Variants in PARD3B observed in about 807,000 individuals in gnomAD.
PARD3B encodes the protein par-3 family cell polarity regulator beta.
In PARD3B, 103 loss-of-function variants were observed where a neutral mutation model predicts 130.2. The ratio of observed to expected loss-of-function variants is 0.79; its 90% CI spans 0.67 to 0.93. The LOEUF (loss-of-function observed/expected upper bound fraction) is 0.93, where lower values mean the gene tolerates loss of function less well. PARD3B is among the 40% of genes least tolerant of loss of function. The pLI, the probability that PARD3B is intolerant of heterozygous loss-of-function variation, is 0.00. For missense variants in PARD3B, 1,609 were observed against 1,499.2 expected (o/e 1.07, Z -1.21); for synonymous variants, 583 against 553.2 (o/e 1.05, Z -0.76).
chr2:205,436,399 G>A (rs1169018428), intron 19 of PARD3B, among the ~76,000 whole-genome samples: 1 of 152,094 alleles, frequency 6.6e-6, no homozygotes, highest in East Asian at 1.9e-4. Flanking sequence ...TCAAATGTTT[G>A]AGAGTGTTTT....
intron 3 of PARD3B, among the ~76,000 whole-genome samples, chr2:205,009,064 A>C (rs1305461181): frequency 6.6e-6 from 1 of 152,242 alleles, no homozygotes; most frequent in African/African-American, 2.4e-5. Flanking sequence ...ATATTTGCTA[A>C]ATGTATTTAT....
intron 21 of PARD3B, among the ~76,000 whole-genome samples, chr2:205,538,854 A>C (rs187859715): frequency 1.6e-3 from 249 of 152,336 alleles, no homozygotes; most frequent in African/African-American, 5.9e-3. Context: ...GTAAGAATGA[A>C]TATTTACTGA....
At chr2:205,426,333 G>A (rs2047145920) in intron 19 of PARD3B, among the ~76,000 whole-genome samples, 1 of 152,122 alleles carries the variant, frequency 6.6e-6, no homozygotes, top group Non-Finnish European at 1.5e-5. Context: ...CTTTAAAACT[G>A]CATTGATAGG....
rs2106003022 is a variant in PARD3B at position 205,398,526 on chromosome 2, A to G, written c.2631-2487A>G. ...AGACTAGACTGGCTACAACCAAAAA[A>G]CTACAGTAGGAGTAGAGAGAGATGG... is the stretch of plus-strand genomic sequence containing the variant. On this transcript the variant is annotated intron_variant, in intron 18 of 22. Transcript: ENST00000406610. 3.3e-5 allele frequency among the ~76,000 whole-genome samples: 5 copies of G among 152,310 alleles called. No homozygotes were observed. The South Asian group carries it at 1.0e-3, about 32-fold the overall frequency.
At chr2:205,114,816 A>G (rs959886766) in intron 6 of PARD3B, among the ~76,000 whole-genome samples, 15 of 151,996 alleles carry the variant, frequency 9.9e-5, no homozygotes, top group African/African-American at 3.1e-4. Context: ...TGTTCCCCAA[A>G]AGAAATGAAC....
intron 2 of PARD3B, among the ~76,000 whole-genome samples, chr2:204,787,320 T>C (rs538244412): frequency 6.6e-6 from 1 of 152,260 alleles, no homozygotes; most frequent in Non-Finnish European, 1.5e-5. Context: ...TCAACTTCTG[T>C]CAGCCTTTTG....
intron 2 of PARD3B, among the ~76,000 whole-genome samples, chr2:204,747,358 G>A (rs965031456): frequency 2.0e-5 from 3 of 152,048 alleles, no homozygotes; most frequent in Non-Finnish European, 2.9e-5. Flanking sequence ...AAAATACCTA[G>A]GAATCCAACT....
At chr2:205,056,550 A>C (rs1699645239) in intron 4 of PARD3B, among the ~76,000 whole-genome samples, 1 of 151,918 alleles carries the variant, frequency 6.6e-6, no homozygotes, top group South Asian at 2.1e-4. Context: ...GGTGTGAAGC[A>C]CTGGAGAATC....
chr2:205,217,138 C>T (rs1335565460), intron 15 of PARD3B, among the ~76,000 whole-genome samples: 1 of 152,090 alleles, frequency 6.6e-6, no homozygotes, highest in Non-Finnish European at 1.5e-5. Flanking sequence ...ATTCATTGGC[C>T]AGGACTATCA....
chr2:205,205,600 A>C (rs960053289), intron 15 of PARD3B, among the ~76,000 whole-genome samples: 2 of 152,112 alleles, frequency 1.3e-5, no homozygotes, highest in Non-Finnish European at 2.9e-5. Context: ...AATCGTTTTT[A>C]TTATTTTGAG....
At chr2:205,236,392 A>T (rs1170465151) in intron 15 of PARD3B, among the ~76,000 whole-genome samples, 2 of 143,786 alleles carry the variant, frequency 1.4e-5, no homozygotes, top group Non-Finnish European at 3.0e-5. Flanking sequence ...TTAGAAAAAA[A>T]AATTTAGATT....
intron 21 of PARD3B, among the ~76,000 whole-genome samples, chr2:205,541,090 C>G (rs2052105335): frequency 7.8e-6 from 1 of 128,476 alleles, no homozygotes; most frequent in African/African-American, 2.5e-5. Flanking sequence ...AGAGCAAAGT[C>G]TGTGTTACCC....
At chr2:204,550,733 C>G (rs1033790482) in intron 1 of PARD3B, among the ~76,000 whole-genome samples, 2 of 152,172 alleles carry the variant, frequency 1.3e-5, no homozygotes, top group Non-Finnish European at 2.9e-5. Flanking sequence ...CTTCCCAGAA[C>G]TGGGAGTAGT....
chr2:205,521,552 A>AT (rs201154538), intron 21 of PARD3B, among the ~76,000 whole-genome samples: 3 of 113,164 alleles, frequency 2.7e-5, no homozygotes, highest in East Asian at 3.1e-4. Flanking sequence ...TGATTATATG[A>AT]TTTTTTTTCT....
At chr2:205,150,756 A>G (rs1210337555) in intron 10 of PARD3B, among the ~76,000 whole-genome samples, 5 of 152,160 alleles carry the variant, frequency 3.3e-5, no homozygotes, top group Non-Finnish European at 7.3e-5. Flanking sequence ...CATGGAATGG[A>G]CAAAAGTTGA....
intron 16 of PARD3B, among the ~76,000 whole-genome samples, chr2:205,266,030 A>C (rs2040489995): frequency 6.6e-6 from 1 of 152,144 alleles, no homozygotes; most frequent in Non-Finnish European, 1.5e-5. Flanking sequence ...AATGTTTCTT[A>C]CGCTAAGATT....
intron 10 of PARD3B, among the ~76,000 whole-genome samples, chr2:205,150,419 A>C (rs2033677758): frequency 2.0e-5 from 3 of 151,980 alleles, no homozygotes; most frequent in Non-Finnish European, 4.4e-5. Context: ...TTTGCTACAA[A>C]ATGCTGTCTG....
intron 3 of PARD3B, among the ~76,000 whole-genome samples, chr2:205,019,520 C>A (rs1477772325): frequency 1.3e-5 from 2 of 152,090 alleles, no homozygotes; most frequent in African/African-American, 4.8e-5. Context: ...ATGGCTGGGG[C>A]CACATGATAC....
chr2:205,412,654 C>A (rs1018681091), intron 19 of PARD3B, among the ~76,000 whole-genome samples: 3 of 152,152 alleles, frequency 2.0e-5, no homozygotes, highest in Admixed American at 6.6e-5. Flanking sequence ...CACCCCTGAC[C>A]AATATGACCC....
Sources: allele counts gnomAD v4.1 joint callset (sites outside exome capture counted in the v4.1 genomes callset), GRCh38; gene constraint gnomAD v4.1.1; transcripts MANE v1.5; gene names NCBI Gene and HGNC (gene_info 2026-07-23, HGNC 2026-07-21).